Variants in CNTN2 observed in about 807,000 individuals in gnomAD.
CNTN2 encodes the protein contactin-2.
A neutral mutation model predicts 117.5 loss-of-function variants in CNTN2; 53 were observed. That is an observed-to-expected ratio of 0.45 (90% CI 0.36 to 0.57). The LOEUF (loss-of-function observed/expected upper bound fraction) is 0.57, where lower values mean the gene tolerates loss of function less well. Among genes scored for constraint, CNTN2 ranks in the 20% least tolerant of loss-of-function variants. The pLI is 0.00. For synonymous variants in CNTN2, 530 were observed against 561.7 expected, an observed-to-expected ratio of 0.94 and a Z score of 0.80; for missense variants, 1,106 against 1,404.3, an observed-to-expected ratio of 0.79 and a Z score of 3.39.
rs1040605895 is a variant in CNTN2 at position 205,064,979 on chromosome 1, C to T, written c.1520-108C>T. On this transcript the variant is annotated intron_variant, in intron 12 of 22. Transcript: ENST00000331830. ...AGTTGGGACCTGTGGGTCACACCACCTCTTCTCTTTGCTGGGCCTTAGGAC... is the reference window on the plus strand; with the variant it reads ...AGTTGGGACCTGTGGGTCACACCACTTCTTCTCTTTGCTGGGCCTTAGGAC... The T allele has an allele frequency of 6.1e-5, 81 of 1,334,084 alleles. No individual in the cohort carries two copies. The African/African-American group carries it at 9.7e-4, about 16-fold the overall frequency. 82.6% of individuals were successfully genotyped at this position (1,334,084 alleles called of 1,614,324 possible).
chr1:205,046,724 T>C (rs2096442160), intron 1 of CNTN2, among the ~76,000 whole-genome samples: 1 of 152,226 alleles, frequency 6.6e-6, no homozygotes, highest in East Asian at 1.9e-4. Flanking sequence ...ATTTGCTTTT[T>C]CAGAAACAAG....
At chr1:205,069,589 T>A in intron 17 of CNTN2, 28 bp downstream of exon 17, 1 of 1,606,362 alleles carries the variant, frequency 6.2e-7, no homozygotes, top group Non-Finnish European at 8.5e-7. Flanking sequence ...GATGTCCTCC[T>A]CCTCCTCCCT....
rs775579054 is a variant in CNTN2 at position 205,072,064 on chromosome 1, G to A, written c.2662G>A (p.Val888Met). 15 of 1,614,010 alleles carry A rather than the reference G, an allele frequency of 9.3e-6. No individual in the cohort carries two copies. The highest frequency in any genetic ancestry group is 1.6e-4 in the Middle Eastern group (1 of 6,062). ...LHPNTKYHVT[V>M]RAYNRAGTGP... ...TCCCAACACCAAGTACCATGTGACC[G>A]TGAGGGCCTACAACCGGGCTGGCAC... The change falls in exon 20 of 23, where the codon GTG becomes ATG. Residue 888 changes from valine (V) to methionine (M), a missense_variant. Coordinates refer to ENST00000331830, the MANE Select transcript of CNTN2 (RefSeq NM_005076.5).
chr1:205,072,063 C>A lies in CNTN2; in HGVS notation c.2661C>A (p.Thr887=). The change falls in exon 20 of 23, where the codon ACC becomes ACA. Residue 887 remains threonine (T), a synonymous_variant. Transcript: ENST00000331830. ...GLHPNTKYHV[T]VRAYNRAGTG... is the part of the protein sequence containing the mutation. Reference sequence around the variant, plus strand: ...ATCCCAACACCAAGTACCATGTGACCGTGAGGGCCTACAACCGGGCTGGCA... The same window carrying A: ...ATCCCAACACCAAGTACCATGTGACAGTGAGGGCCTACAACCGGGCTGGCA... 6.2e-7 allele frequency: 1 copy of A among 1,614,082 alleles called. No homozygotes were observed. The highest frequency in any genetic ancestry group is 8.5e-7 in the Non-Finnish European group (1 of 1,180,022).
chr1:205,065,139 C>A lies in CNTN2; in HGVS notation c.1572C>A (p.Asp524Glu), dbSNP rs148062265. The change falls in exon 13 of 23, where the codon GAC becomes GAA. Residue 524 changes from aspartate (D) to glutamate (E), a missense_variant. Transcript: ENST00000331830. The surrounding 1 kb of genome is among the most constrained non-coding windows in gnomAD (Gnocchi z 4.1). ...CAAGTGCCGACATCAACTTGGGTGA[C>A]AACCTGACCCTACAGTGCCATGCCT... is the stretch of plus-strand genomic sequence containing the variant. ...APSSADINLG[D>E]NLTLQCHASH... 180 of 1,614,044 alleles carry A rather than the reference C, an allele frequency of 1.1e-4. No individual in the cohort carries two copies. The highest frequency in any genetic ancestry group is 1.4e-4 in the Non-Finnish European group (169 of 1,180,038).
At position 205,058,375 on chromosome 1, in the gene CNTN2, C is replaced by G. The variant is rs1653776395; in HGVS notation, c.391+19C>G. On this transcript the variant is annotated intron_variant, in intron 4 of 22. Transcript: ENST00000331830. The surrounding 1 kb of genome is among the most constrained non-coding windows in gnomAD (Gnocchi z 4.3). ...TTCGGCTGTGAGACCCGCGGGGGAC[C>G]AAGACACTTTGGGGGAGGGGGAGAG... 6.5e-7 allele frequency: 1 copy of G among 1,531,874 alleles called. No individual in the cohort carries two copies. The allele number at this position is 1,531,874 out of a possible 1,614,324, so 94.9% of individuals were successfully genotyped here.
chr1:205,043,934 T>C (rs2151179202), intron 1 of CNTN2, among the ~76,000 whole-genome samples: 1 of 151,132 alleles, frequency 6.6e-6, no homozygotes, highest in East Asian at 2.0e-4. Context: ...GAGGGGAGAG[T>C]GGAGCACAAG....
chr1:205,066,201 C>T (rs998211507), intron 14 of CNTN2: 5 of 610,158 alleles, frequency 8.2e-6, no homozygotes, highest in African/African-American at 1.9e-5. Context: ...ATCTATGCAC[C>T]TCTCCATGTG....
At chr1:205,049,883 GAGA>G (rs1318613701) in intron 1 of CNTN2, among the ~76,000 whole-genome samples, 2 of 152,200 alleles carry the variant, frequency 1.3e-5, no homozygotes, top group Non-Finnish European at 2.9e-5. Context: ...GGCTGGAGTG[GAGA>G]AGGAGTCTGG....
intron 7 of CNTN2, chr1:205,060,384 G>C (rs1396253874): frequency 1.3e-5 from 2 of 152,136 alleles, no homozygotes; most frequent in African/African-American, 4.8e-5. Context: ...CTGCCTTGTG[G>C]GAAGTTTTGG....
intron 2 of CNTN2, among the ~76,000 whole-genome samples, chr1:205,055,292 G>A (rs2096459258): frequency 6.6e-6 from 1 of 152,192 alleles, no homozygotes; most frequent in African/African-American, 2.4e-5. Flanking sequence ...GGGATTACAG[G>A]CAGAGAGTGT....
intron 2 of CNTN2, among the ~76,000 whole-genome samples, chr1:205,056,629 C>A (rs1653641578): frequency 6.6e-6 from 1 of 152,174 alleles, no homozygotes; most frequent in South Asian, 2.1e-4. Context: ...TAATGGGGAT[C>A]CCTTTCCCCA....
In CNTN2 at chr1:205,075,226, G is replaced by A. The variant is rs10900443; in HGVS notation, c.*1461G>A. Reference sequence around the variant, plus strand: ...TAAGAAGGTGATTAGTCAGTAGGGTGTGAAAATTCTACTTCAAGGGGTTCG... The same window carrying A: ...TAAGAAGGTGATTAGTCAGTAGGGTATGAAAATTCTACTTCAAGGGGTTCG... On this transcript the variant is annotated 3_prime_UTR_variant, in exon 23 of 23. Coordinates refer to ENST00000331830, the MANE Select transcript of CNTN2 (RefSeq NM_005076.5). The A allele has an allele frequency of 0.83, 201,787 of 242,010 alleles. 85,170 individuals carry two copies. The highest frequency in any genetic ancestry group is 0.97 in the East Asian group (12,521 of 12,972). 15.0% of individuals were successfully genotyped at this position (242,010 alleles called of 1,614,324 possible).
At chr1:205,053,956 G>A (rs1023211623) in intron 2 of CNTN2, among the ~76,000 whole-genome samples, 2 of 152,216 alleles carry the variant, frequency 1.3e-5, no homozygotes, top group Admixed American at 1.3e-4. Context: ...CTGGCAGGAG[G>A]GGAAGGAGAG....
chr1:205,043,713 G>A (rs1186431560), intron 1 of CNTN2, among the ~76,000 whole-genome samples: 1 of 152,154 alleles, frequency 6.6e-6, no homozygotes, highest in Non-Finnish European at 1.5e-5. Context: ...CCTGTGGAGA[G>A]GGCAGTTTCT....
At chr1:205,047,466 C>T (rs561184822) in intron 1 of CNTN2, among the ~76,000 whole-genome samples, 32 of 152,236 alleles carry the variant, frequency 2.1e-4, no homozygotes, top group African/African-American at 7.7e-4. Context: ...ATCTTAGATC[C>T]CATCAGGCAG....
rs560511811 is a variant in CNTN2, at chr1:205,066,297, C to A, written c.1817-144C>A. ...GCCCCAACTGCCCACACCCCTTGCC[C>A]GCCCTCCCGCCTGGGTGTGTGTTCA... is the stretch of plus-strand genomic sequence containing the variant. On this transcript the variant is annotated intron_variant, in intron 14 of 22. Transcript: ENST00000331830. 5.1e-6 allele frequency: 5 copies of A among 975,942 alleles called. No individual in the cohort carries two copies. The Admixed American group carries it at 1.1e-4, about 21-fold the overall frequency. The allele number at this position is 975,942 out of a possible 1,614,324, so 60.5% of individuals were successfully genotyped here.
In CNTN2 at chr1:205,058,096, C is replaced by A. The variant is rs1348778860; in HGVS notation, c.215+31C>A. ...GCCTCTGCAGTGGGTGCTGGGAGGC[C>A]CTGGGCAGCCGTTGAACTTTCCCTC... On this transcript the variant is annotated intron_variant, in intron 3 of 22. Transcript: ENST00000331830. This position sits in a 1 kb window ranked among gnomAD's most constrained non-coding sequence, Gnocchi z 4.3. 6.2e-7 allele frequency: 1 copy of A among 1,607,760 alleles called. No individual in the cohort carries two copies. The highest frequency in any genetic ancestry group is 2.2e-5 in the East Asian group (1 of 44,696).
chr1:205,062,281 C>T lies in CNTN2; in HGVS notation c.1111-159C>T, dbSNP rs1024334063. 60 of 1,069,010 alleles carry T rather than the reference C, an allele frequency of 5.6e-5. No individual in the cohort carries two copies. In the African/African-American group the frequency reaches 7.2e-4, roughly 13 times the overall value. The allele number at this position is 1,069,010 out of a possible 1,614,324, so 66.2% of individuals were successfully genotyped here. On this transcript the variant is annotated intron_variant, in intron 9 of 22. Transcript: ENST00000331830. Reference sequence around the variant, plus strand: ...TTGGGGAGGCCTGGGTAATCTGCATCCTGAGGTTCCAGGCAGCCCTGAGGT... The same window carrying T: ...TTGGGGAGGCCTGGGTAATCTGCATTCTGAGGTTCCAGGCAGCCCTGAGGT...
Sources: allele counts gnomAD v4.1 joint callset (sites outside exome capture counted in the v4.1 genomes callset), GRCh38; gene constraint gnomAD v4.1.1; non-coding constraint Gnocchi (gnomAD v3.1); transcripts MANE v1.5; gene names NCBI Gene and HGNC (gene_info 2026-07-23, HGNC 2026-07-21).